The following VMP1 variants were observed in gnomAD, a reference collection of about 807,000 sequenced individuals.
VMP1 encodes the protein vacuole membrane protein 1, also known as ectopic P-granules autophagy protein 3 homolog.
Under a neutral mutation model 56.0 loss-of-function variants are expected in VMP1, and 11 were observed. The ratio of observed to expected loss-of-function variants is 0.20; its 90% CI spans 0.12 to 0.32. VMP1 has a LOEUF of 0.32. Ranked by LOEUF, VMP1 falls within the 10% of genes least tolerant of loss-of-function variation. The pLI is 1.00. For synonymous variants in VMP1, 149 were observed against 165.0 expected (o/e 0.90, Z 0.74); for missense variants, 296 against 490.3 (o/e 0.60, Z 3.74).
chr17:59,764,709 A>T (rs2036173090), intron 5 of VMP1, among the ~76,000 whole-genome samples: 1 of 152,184 alleles, frequency 6.6e-6, no homozygotes, highest in Non-Finnish European at 1.5e-5. Flanking sequence ...AAGCTAATTG[A>T]AATGTAGACC....
At chr17:59,773,318 T>C (rs1192583915) in intron 6 of VMP1, among the ~76,000 whole-genome samples, 2 of 151,424 alleles carry the variant, frequency 1.3e-5, no homozygotes. Flanking sequence ...GGGGGGCAAA[T>C]GATAAAAATA....
chr17:59,827,699 T>C (rs1027063296), intron 10 of VMP1, among the ~76,000 whole-genome samples: 6 of 151,972 alleles, frequency 3.9e-5, no homozygotes, highest in Admixed American at 3.3e-4. Context: ...ACACCTGTAA[T>C]CTTAGAACTT....
intron 7 of VMP1, among the ~76,000 whole-genome samples, chr17:59,778,473 G>T (rs1328217011): frequency 6.6e-6 from 1 of 151,840 alleles, no homozygotes; most frequent in Non-Finnish European, 1.5e-5. Flanking sequence ...AACCTGGGAG[G>T]TGGAGCTTGC....
At chr17:59,834,961 T>C (rs1289498696) in intron 10 of VMP1, among the ~76,000 whole-genome samples, 4 of 152,122 alleles carry the variant, frequency 2.6e-5, no homozygotes, top group South Asian at 2.1e-4. Context: ...GGTTTCGCCA[T>C]GTTGGCCAGG....
At chr17:59,830,253 A>C (rs2038766214) in intron 10 of VMP1, among the ~76,000 whole-genome samples, 1 of 151,906 alleles carries the variant, frequency 6.6e-6, no homozygotes, top group Non-Finnish European at 1.5e-5. Context: ...TGTAGAGAGG[A>C]GGTCTCACTA....
At chr17:59,784,320 T>C (rs1250441731) in intron 7 of VMP1, among the ~76,000 whole-genome samples, 1 of 152,170 alleles carries the variant, frequency 6.6e-6, no homozygotes, top group East Asian at 1.9e-4. Flanking sequence ...GTGTGTCATT[T>C]CTTCCCATCT....
chr17:59,728,029 T>A (rs1341634412), intron 1 of VMP1, among the ~76,000 whole-genome samples: 2 of 152,236 alleles, frequency 1.3e-5, no homozygotes, highest in African/African-American at 4.8e-5. Context: ...ATATTTTATT[T>A]CTTGATGTGT....
chr17:59,828,957 A>C (rs1292064), intron 10 of VMP1, among the ~76,000 whole-genome samples: 64,432 of 151,988 alleles, frequency 0.42, 15,595 homozygotes, highest in Non-Finnish European at 0.54. Context: ...CTCTACTAAA[A>C]ATACAAAAAC....
At chr17:59,794,092 T>C (rs959305187) in intron 7 of VMP1, among the ~76,000 whole-genome samples, 3 of 150,946 alleles carry the variant, frequency 2.0e-5, no homozygotes, top group Admixed American at 6.6e-5. Context: ...GGCTAATTTT[T>C]TGTATTTTTA....
chr17:59,766,678 C>T (rs2036242469), intron 6 of VMP1, among the ~76,000 whole-genome samples: 1 of 152,118 alleles, frequency 6.6e-6, no homozygotes, highest in East Asian at 1.9e-4. Context: ...TCCAGTTATT[C>T]TTTTTGTGGT....
intron 1 of VMP1, among the ~76,000 whole-genome samples, chr17:59,719,127 A>G (rs2034291577): frequency 6.6e-6 from 1 of 152,218 alleles, no homozygotes; most frequent in Non-Finnish European, 1.5e-5. Flanking sequence ...TTCCAAGAGT[A>G]GATCACAATT....
intron 7 of VMP1, among the ~76,000 whole-genome samples, chr17:59,776,687 C>G (rs1383030210): frequency 3.3e-5 from 5 of 152,302 alleles, no homozygotes; most frequent in African/African-American, 9.6e-5. Flanking sequence ...TCCACAGAAG[C>G]AGATGGGTGA....
At position 59,835,232 on chromosome 17, in the gene VMP1, G is replaced by A. The variant is rs183094353; in HGVS notation, c.975-3063G>A. Among the ~76,000 whole-genome samples, 1,082 of 151,748 alleles carry A rather than the reference G, an allele frequency of 7.1e-3. 15 individuals carry two copies. Among genetic ancestry groups the A allele is most frequent in the African/African-American group, 0.025 (1,020 of 41,382 alleles). On this transcript the variant is annotated intron_variant, in intron 10 of 11. Coordinates refer to ENST00000262291, the MANE Select transcript of VMP1 (RefSeq NM_030938.5). The stretch of plus-strand genomic sequence containing the variant: ...CAACCTCCACTTCCTGGGTTCAAGC[G>A]ATTCTTCGGCCTCAGCCTCCCGAGT...
intron 7 of VMP1, among the ~76,000 whole-genome samples, chr17:59,801,102 A>C (rs2037634030): frequency 7.6e-6 from 1 of 132,100 alleles, no homozygotes; most frequent in African/African-American, 3.4e-5. Context: ...ATATATATAT[A>C]TATATATATA....
chr17:59,791,523 ACT>A (rs2037229169), intron 7 of VMP1, among the ~76,000 whole-genome samples: 1 of 118,824 alleles, frequency 8.4e-6, no homozygotes, highest in Non-Finnish European at 1.7e-5. Context: ...ACAGAGTCTC[ACT>A]CTGTCACCCA....
At chr17:59,777,568 T>C (rs998760107) in intron 7 of VMP1, among the ~76,000 whole-genome samples, 3 of 152,182 alleles carry the variant, frequency 2.0e-5, no homozygotes, top group Admixed American at 2.0e-4. Flanking sequence ...TCCCAGCACT[T>C]TGGGAGGCCG....
intron 7 of VMP1, among the ~76,000 whole-genome samples, chr17:59,786,269 T>G (rs901399651): frequency 6.6e-6 from 1 of 152,232 alleles, no homozygotes; most frequent in Non-Finnish European, 1.5e-5. Context: ...TTTGATCATT[T>G]GAGTTTAAAG....
chr17:59,741,493 G>A (rs930345129), intron 5 of VMP1, among the ~76,000 whole-genome samples: 2 of 152,048 alleles, frequency 1.3e-5, no homozygotes, highest in Non-Finnish European at 2.9e-5. Flanking sequence ...ATAGCATTTG[G>A]GATGAAAAAG....
chr17:59,741,972 G>A (rs181128284), intron 5 of VMP1, among the ~76,000 whole-genome samples: 5 of 152,256 alleles, frequency 3.3e-5, no homozygotes, highest in Non-Finnish European at 1.5e-5. Context: ...TTTTTACTGA[G>A]TGACTGGGTA....
Sources: allele counts gnomAD v4.1 joint callset (sites outside exome capture counted in the v4.1 genomes callset), GRCh38; gene constraint gnomAD v4.1.1; transcripts MANE v1.5; gene names NCBI Gene and HGNC (gene_info 2026-07-23, HGNC 2026-07-21).